RABL3: variants seen among roughly 807,000 people sequenced by gnomAD.
The protein encoded by RABL3 is RAB, member of RAS oncogene family like 3.
RABL3 carries 31 observed loss-of-function variants against 31.8 expected under a neutral mutation model. The ratio of observed to expected loss-of-function variants is 0.97; its 90% CI spans 0.73 to 1.31. The LOEUF (loss-of-function observed/expected upper bound fraction) is 1.31, where lower values mean the gene tolerates loss of function less well. RABL3 is among the 40% of genes most tolerant of loss of function. The pLI, the probability that RABL3 is intolerant of heterozygous loss-of-function variation, is 0.00. For missense variants in RABL3, 263 were observed against 279.6 expected (o/e 0.94, Z 0.42); for synonymous variants, 97 against 99.9 (o/e 0.97, Z 0.18).
At chr3:120,700,080 C>G (rs528552470) in intron 4 of RABL3, among the ~76,000 whole-genome samples, 2 of 152,250 alleles carry the variant, frequency 1.3e-5, no homozygotes, top group South Asian at 2.1e-4. Context: ...ATAGTTTGCT[C>G]TCTTATTTCT....
chr3:120,741,168 T>G (rs1709038317), intron 1 of RABL3, among the ~76,000 whole-genome samples: 1 of 152,210 alleles, frequency 6.6e-6, no homozygotes, highest in African/African-American at 2.4e-5. Flanking sequence ...GCCAAGTCCC[T>G]TTAGGCCACA....
intron 3 of RABL3, among the ~76,000 whole-genome samples, chr3:120,706,416 C>T (rs1021714503): frequency 6.6e-6 from 1 of 152,022 alleles, no homozygotes; most frequent in Non-Finnish European, 1.5e-5. Context: ...CATGCCTGTT[C>T]CTACCTGTAG....
chr3:120,737,447 G>A (rs1477751911), intron 1 of RABL3, among the ~76,000 whole-genome samples: 2 of 152,134 alleles, frequency 1.3e-5, no homozygotes, highest in African/African-American at 4.8e-5. Flanking sequence ...AAGGTTTTTA[G>A]CTTCTTTGCA....
intron 2 of RABL3, among the ~76,000 whole-genome samples, chr3:120,725,551 T>C (rs1708807756): frequency 1.3e-5 from 2 of 152,230 alleles, no homozygotes; most frequent in African/African-American, 2.4e-5. Context: ...CCAACCCAAA[T>C]GTCCATCAAT....
chr3:120,734,574 C>G (rs896613879), intron 1 of RABL3, among the ~76,000 whole-genome samples: 2 of 152,190 alleles, frequency 1.3e-5, no homozygotes, highest in African/African-American at 4.8e-5. Flanking sequence ...GAACTTCCAA[C>G]ACTATGTTGA....
At chr3:120,727,433 A>T (rs551641744) in intron 2 of RABL3, among the ~76,000 whole-genome samples, 1 of 152,250 alleles carries the variant, frequency 6.6e-6, no homozygotes, top group East Asian at 1.9e-4. Flanking sequence ...TAGTTATTTT[A>T]TTATTTTCTT....
chr3:120,728,973 T>A (rs1470269563), intron 2 of RABL3, among the ~76,000 whole-genome samples: 1 of 152,174 alleles, frequency 6.6e-6, no homozygotes, highest in Non-Finnish European at 1.5e-5. Context: ...TTAATGCCCA[T>A]TCAGGAATAG....
chr3:120,711,550 C>T (rs775423251), intron 2 of RABL3, among the ~76,000 whole-genome samples: 13 of 152,046 alleles, frequency 8.6e-5, no homozygotes, highest in African/African-American at 1.2e-4. Flanking sequence ...TTATATCATA[C>T]GCTCTTTTGC....
intron 1 of RABL3, among the ~76,000 whole-genome samples, chr3:120,734,268 TG>T (rs1293978080): frequency 2.6e-5 from 4 of 152,200 alleles, no homozygotes; most frequent in Non-Finnish European, 5.9e-5. Flanking sequence ...TCACATCCCT[TG>T]TAAGTTGGAT....
chr3:120,719,387 G>A (rs778346701), intron 2 of RABL3, among the ~76,000 whole-genome samples: 32 of 152,260 alleles, frequency 2.1e-4, no homozygotes, highest in Admixed American at 1.6e-3. Context: ...AGTGTGAGTC[G>A]AAGCAAGGCG....
At chr3:120,734,216 C>T (rs1486203569) in intron 1 of RABL3, among the ~76,000 whole-genome samples, 1 of 152,138 alleles carries the variant, frequency 6.6e-6, no homozygotes, top group Admixed American at 6.5e-5. Context: ...TCCTCTTTTA[C>T]TTCGTTGAGC....
chr3:120,731,789 C>T (rs532006892), intron 1 of RABL3, among the ~76,000 whole-genome samples: 5 of 152,272 alleles, frequency 3.3e-5, no homozygotes, highest in South Asian at 2.1e-4. Flanking sequence ...CGGTGGCTCA[C>T]GTCTGTACTC....
intron 2 of RABL3, chr3:120,722,143 A>G (rs1165878274): frequency 6.6e-6 from 1 of 152,118 alleles, no homozygotes; most frequent in East Asian, 1.9e-4. Context: ...TATCATCTGT[A>G]GGCTCATTCA....
chr3:120,719,568 G>A (rs948506648), intron 2 of RABL3, among the ~76,000 whole-genome samples: 57 of 152,230 alleles, frequency 3.7e-4, no homozygotes, highest in African/African-American at 1.1e-3. Flanking sequence ...CTCCTGGCTC[G>A]AAGGGTCCTA....
chr3:120,701,512 T>A (rs1708491155), intron 4 of RABL3, among the ~76,000 whole-genome samples: 1 of 152,200 alleles, frequency 6.6e-6, no homozygotes, highest in South Asian at 2.1e-4. Flanking sequence ...ATATGCTGTC[T>A]CCTAACCCTA....
chr3:120,705,147 A>G (rs1458643423), intron 4 of RABL3, among the ~76,000 whole-genome samples: 1 of 152,240 alleles, frequency 6.6e-6, no homozygotes, highest in Admixed American at 6.5e-5. Flanking sequence ...AATGCTGGTA[A>G]GAGAAATAAA....
intron 2 of RABL3, among the ~76,000 whole-genome samples, chr3:120,724,866 A>T (rs1275426374): frequency 3.9e-5 from 6 of 152,212 alleles, no homozygotes; most frequent in Admixed American, 1.3e-4. Flanking sequence ...AACCTAGGCA[A>T]TACCATTCAG....
Position 120,694,365 on chromosome 3 carries a change from A to AAAAGG in RABL3, c.535-142_535-141insCCTTT, listed in dbSNP as rs200499278. 1.2e-5 allele frequency: 7 copies of AAAAGG among 567,654 alleles called. No homozygotes were observed. The East Asian group carries it at 1.9e-4, about 15-fold the overall frequency. 35.2% of individuals were successfully genotyped at this position (567,654 alleles called of 1,614,324 possible). A position where few individuals can be genotyped will look rare whatever the true frequency, so the allele number is the denominator to read the frequency against. On this transcript the variant is annotated intron_variant, in intron 5 of 7. Coordinates refer to ENST00000273375, the MANE Select transcript of RABL3 (RefSeq NM_173825.5). ...CTCACAAAATATTCAAATAATTTTC[A>AAAAGG]AATTATGGTGCACAAAGGAGGAAAG... is the stretch of plus-strand genomic sequence containing the variant.
At chr3:120,695,952 T>C (rs1294706085) in intron 5 of RABL3, among the ~76,000 whole-genome samples, 1 of 152,132 alleles carries the variant, frequency 6.6e-6, no homozygotes, top group Non-Finnish European at 1.5e-5. Context: ...AATTTAGAGC[T>C]GAAAGAGCCA....
Sources: gnomAD v4.1 joint callset for allele counts (sites outside exome capture counted in the v4.1 genomes callset) on GRCh38, gnomAD v4.1.1 for gene constraint, MANE v1.5 for transcripts, NCBI Gene and HGNC (gene_info 2026-07-23, HGNC 2026-07-21) for gene names.